Variants in GRID2 observed in about 807,000 individuals in gnomAD.
GRID2 encodes the protein glutamate receptor ionotropic, delta-2.
Under a neutral mutation model 114.8 loss-of-function variants are expected in GRID2, and 33 were observed. The observed-to-expected ratio is 0.29, with a 90% CI of 0.22 to 0.38. The LOEUF (loss-of-function observed/expected upper bound fraction) is 0.38, where lower values mean the gene tolerates loss of function less well. GRID2 is among the 10% of genes least tolerant of loss of function. The pLI, the probability that GRID2 is intolerant of heterozygous loss-of-function variation, is 1.00. For synonymous variants in GRID2, 505 were observed against 449.9 expected (o/e 1.12, Z -1.55); for missense variants, 1,184 against 1,257.7 (o/e 0.94, Z 0.89).
intron 10 of GRID2, among the ~76,000 whole-genome samples, chr4:93,454,537 A>G (rs1723006257): frequency 1.3e-5 from 2 of 152,064 alleles, no homozygotes; most frequent in African/African-American, 4.8e-5. Context: ...GGGCCTAGCA[A>G]CAAAGATATA....
rs1468021719 is a variant in GRID2 at position 92,954,376 on chromosome 4, G to A, written c.245-130619G>A. Among the ~76,000 whole-genome samples, 4 of 151,960 alleles carry A rather than the reference G, an allele frequency of 2.6e-5. 1 individual carries two copies. Among genetic ancestry groups the A allele is most frequent in the Admixed American group, 1.3e-4 (2 of 15,266 alleles). On this transcript the variant is annotated intron_variant, in intron 2 of 15. Coordinates refer to ENST00000282020, the MANE Select transcript of GRID2 (RefSeq NM_001510.4). Reference sequence around the variant, plus strand: ...CTTAGAAATGAAGTAGGTAGACTGGGGGATCTTGGGATAAGGAGTATAACA... The same window carrying A: ...CTTAGAAATGAAGTAGGTAGACTGGAGGATCTTGGGATAAGGAGTATAACA...
chr4:93,219,121 T>C (rs1042199609), intron 6 of GRID2, among the ~76,000 whole-genome samples: 2 of 152,094 alleles, frequency 1.3e-5, no homozygotes, highest in Non-Finnish European at 2.9e-5. Flanking sequence ...ATGGATATAA[T>C]TGATGTGAAA....
chr4:93,154,412 A>C (rs981775384), intron 4 of GRID2, among the ~76,000 whole-genome samples: 7 of 151,944 alleles, frequency 4.6e-5, no homozygotes, highest in African/African-American at 1.7e-4. Context: ...CTTAGCATGA[A>C]ATTTATAGGC....
intron 4 of GRID2, among the ~76,000 whole-genome samples, chr4:93,111,305 T>A (rs561176430): frequency 6.6e-6 from 1 of 152,300 alleles, no homozygotes; most frequent in East Asian, 1.9e-4. Context: ...TTTTTGTAAG[T>A]TAAAATTTTA....
chr4:93,473,415 A>G (rs1252926758), intron 11 of GRID2, among the ~76,000 whole-genome samples: 1 of 152,166 alleles, frequency 6.6e-6, no homozygotes, highest in Non-Finnish European at 1.5e-5. Flanking sequence ...AAAAATATTT[A>G]TTTAGAAAAG....
chr4:93,527,627 T>C lies in GRID2; in HGVS notation c.2193+12216T>C, dbSNP rs79420789. 4.5e-3 allele frequency among the ~76,000 whole-genome samples: 686 copies of C among 152,228 alleles called. 5 individuals are homozygous for C. Among genetic ancestry groups the C allele is most frequent in the African/African-American group, 0.015 (626 of 41,574 alleles). On this transcript the variant is annotated intron_variant, in intron 13 of 15. Coordinates refer to ENST00000282020, the MANE Select transcript of GRID2 (RefSeq NM_001510.4). ...ATATAATCTAAGCACATCACATTCA[T>C]AGCTTTCATATTTAAAGTTCATTTT...
intron 2 of GRID2, among the ~76,000 whole-genome samples, chr4:92,754,894 A>G (rs761940587): frequency 1.3e-5 from 2 of 152,160 alleles, no homozygotes; most frequent in African/African-American, 2.4e-5. Flanking sequence ...TTTCATTTAC[A>G]TCTATTGTAA....
intron 1 of GRID2, among the ~76,000 whole-genome samples, chr4:92,524,869 T>C (rs545511320): frequency 2.0e-5 from 3 of 152,088 alleles, no homozygotes; most frequent in African/African-American, 7.2e-5. Flanking sequence ...TCAAGCTGAA[T>C]TTAGATACAG....
intron 4 of GRID2, among the ~76,000 whole-genome samples, chr4:93,145,482 A>G (rs1427590617): frequency 1.1e-5 from 1 of 90,694 alleles, no homozygotes; most frequent in African/African-American, 6.2e-5. Flanking sequence ...TTTTTTTTTG[A>G]GACAGTTTCA....
At chr4:93,398,270 G>C (rs1165177874) in intron 9 of GRID2, among the ~76,000 whole-genome samples, 1 of 150,632 alleles carries the variant, frequency 6.6e-6, no homozygotes, top group Non-Finnish European at 1.5e-5. Flanking sequence ...AGAAATTGAA[G>C]AATAACATGC....
At chr4:92,776,974 A>T (rs921896457) in intron 2 of GRID2, among the ~76,000 whole-genome samples, 1 of 152,066 alleles carries the variant, frequency 6.6e-6, no homozygotes, top group Admixed American at 6.6e-5. Flanking sequence ...TTATCACATA[A>T]TTAAGAAAAT....
intron 2 of GRID2, among the ~76,000 whole-genome samples, chr4:92,983,703 C>A (rs1754351004): frequency 6.6e-6 from 1 of 152,064 alleles, no homozygotes; most frequent in Non-Finnish European, 1.5e-5. Flanking sequence ...TTAGTGCCTA[C>A]ATAGATAAAT....
chr4:93,557,303 G>T (rs1173048161), intron 13 of GRID2, among the ~76,000 whole-genome samples: 1 of 152,138 alleles, frequency 6.6e-6, no homozygotes, highest in African/African-American at 2.4e-5. Context: ...TGGCAAATTG[G>T]ATAGAGTCAA....
chr4:92,905,467 G>C (rs889378441), intron 2 of GRID2, among the ~76,000 whole-genome samples: 1 of 151,702 alleles, frequency 6.6e-6, no homozygotes, highest in Non-Finnish European at 1.5e-5. Flanking sequence ...AAATGCATAG[G>C]AGATCTGTAA....
chr4:93,753,376 G>T (rs1732487166), intron 14 of GRID2, among the ~76,000 whole-genome samples: 1 of 151,798 alleles, frequency 6.6e-6, no homozygotes, highest in Admixed American at 6.6e-5. Context: ...TAAGTTCTAG[G>T]GCACATGTGC....
At chr4:93,451,879 G>A (rs1722717655) in intron 10 of GRID2, among the ~76,000 whole-genome samples, 1 of 152,158 alleles carries the variant, frequency 6.6e-6, no homozygotes, top group Admixed American at 6.6e-5. Context: ...GATGTTGGAA[G>A]AGGACTGGTT....
chr4:92,856,884 G>A (rs1207369206), intron 2 of GRID2, among the ~76,000 whole-genome samples: 1 of 152,128 alleles, frequency 6.6e-6, no homozygotes, highest in Non-Finnish European at 1.5e-5. Context: ...ACCCTGCAGT[G>A]AGCAAGTCTG....
Position 92,834,718 on chromosome 4 carries a change from G to A in GRID2, c.244+244432G>A, listed in dbSNP as rs138069992. Among the ~76,000 whole-genome samples, 19 of 152,264 alleles carry A rather than the reference G, an allele frequency of 1.2e-4. 1 individual carries two copies. The highest frequency in any genetic ancestry group is 4.3e-4 in the African/African-American group (18 of 41,548). ...TAGATAACTACTTGGTTATAGGTAG[G>A]TTGGGAAGTACTAATATTTCTTTGT... is the stretch of plus-strand genomic sequence containing the variant. On this transcript the variant is annotated intron_variant, in intron 2 of 15. Coordinates refer to ENST00000282020, the MANE Select transcript of GRID2 (RefSeq NM_001510.4).
At position 92,915,930 on chromosome 4, in the gene GRID2, G is replaced by A. The variant is rs906696401; in HGVS notation, c.245-169065G>A. Among the ~76,000 whole-genome samples the A allele has an allele frequency of 2.0e-5, 3 of 151,816 alleles. No individual in the cohort carries two copies. In the East Asian group the frequency reaches 5.8e-4, roughly 29 times the overall value. On this transcript the variant is annotated intron_variant, in intron 2 of 15. Transcript: ENST00000282020. ...ATGGGGTTATTTGTTTTTATTTTTG[G>A]TAACTTTGTTTAAGTTTCTTATAGA...
Sources: allele counts gnomAD v4.1 joint callset (sites outside exome capture counted in the v4.1 genomes callset), GRCh38; gene constraint gnomAD v4.1.1; transcripts MANE v1.5; gene names NCBI Gene and HGNC (gene_info 2026-07-23, HGNC 2026-07-21).